Variants in VPS28 observed in about 807,000 individuals in gnomAD.
VPS28 encodes the protein VPS28 subunit of ESCRT-I.
Under a neutral mutation model 33.7 loss-of-function variants are expected in VPS28, and 29 were observed. The ratio of observed to expected loss-of-function variants is 0.86; its 90% CI spans 0.64 to 1.17. The LOEUF is 1.17. Among genes scored for constraint, VPS28 ranks in the 50% most tolerant of loss-of-function variants. VPS28 has a pLI of 0.00. For missense variants in VPS28, 247 were observed against 312.2 expected (o/e 0.79, Z 1.57); for synonymous variants, 164 against 116.7 (o/e 1.40, Z -2.61).
chr8:144,428,138 C>T (rs910406458), intron 1 of VPS28, among the ~76,000 whole-genome samples: 3 of 152,170 alleles, frequency 2.0e-5, no homozygotes, highest in Admixed American at 2.0e-4. Context: ...GGGTCAAGCT[C>T]TCCGAGGGTC....
intron 2 of VPS28, chr8:144,426,650 T>A (rs1822770928): frequency 3.9e-6 from 2 of 507,762 alleles, no homozygotes; most frequent in African/African-American, 3.9e-5. Flanking sequence ...CTGGGATTGG[T>A]GACACAGGGT....
Position 144,424,748 on chromosome 8 carries a change from G to A in VPS28, c.372C>T (p.Asn124=), listed in dbSNP as rs1475340002. The A allele has an allele frequency of 3.1e-6, 5 of 1,613,492 alleles. No homozygotes were observed. Among genetic ancestry groups the A allele is most frequent in the South Asian group, 1.1e-5 (1 of 91,084 alleles). The change falls in exon 7 of 10, where the codon AAC becomes AAT. Residue 124 remains asparagine, a synonymous_variant. Transcript: ENST00000292510. The part of the protein sequence containing the change: ...RPITIKDDKG[N]LNRCIADVVS... ...CCACGTCTGCGATGCAGCGGTTGAG[G>A]TTGCCCTTGTCGTCCTTGATGGTGA...
Position 144,423,737 on chromosome 8 carries a change from G to A in VPS28, c.*68C>T, listed in dbSNP as rs1554875751. ...TTGTGTGGATGACCACGGCCTGTGT[G>A]GCGGACAGGGGACCAGGAGCCATCG... is the stretch of plus-strand genomic sequence containing the variant. On this transcript the variant is annotated 3_prime_UTR_variant, in exon 10 of 10. Coordinates refer to ENST00000292510, the MANE Select transcript of VPS28 (RefSeq NM_016208.4). 3.1e-6 allele frequency: 5 copies of A among 1,590,482 alleles called. No homozygotes were observed. Among genetic ancestry groups the A allele is most frequent in the Non-Finnish European group, 4.3e-6 (5 of 1,163,268 alleles).
chr8:144,424,628 G>C, intron 7 of VPS28, 90 bp downstream of exon 7: 1 of 1,378,374 alleles, frequency 7.3e-7, no homozygotes, highest in Non-Finnish European at 1.0e-6. Context: ...GTGCTGCTCA[G>C]CTCTGGAGGC....
chr8:144,424,009 C>T (rs782137386), intron 9 of VPS28, 32 bp downstream of exon 9: 14 of 1,602,184 alleles, frequency 8.7e-6, no homozygotes, highest in South Asian at 5.5e-5. Context: ...TCGGGCACTG[C>T]GGGGCTCTGC....
rs1822683824 is a variant in VPS28 at position 144,425,709 on chromosome 8, G to A, written c.168C>T (p.Tyr56=). 2.5e-6 allele frequency: 4 copies of A among 1,613,782 alleles called. No homozygotes were observed. Among genetic ancestry groups the A allele is most frequent in the Non-Finnish European group, 3.4e-6 (4 of 1,179,928 alleles). ...CGCTGGGGGAGACACAGTCCTTGAT[G>A]TAGGCCTTCTCCAGGGCTTGCATTG... ...VKTMQALEKA[Y]IKDCVSPSEY... is the part of the protein sequence containing the mutation. The change falls in exon 5 of 10, where the codon TAC becomes TAT. Residue 56 remains tyrosine (Y), a synonymous_variant. Transcript: ENST00000292510.
At chr8:144,425,934 C>T in intron 4 of VPS28, 92 bp downstream of exon 4, 2 of 1,475,046 alleles carry the variant, frequency 1.4e-6, no homozygotes, top group Non-Finnish European at 1.8e-6. Flanking sequence ...TGCGTCCTCC[C>T]ACCCCTCAGT....
At chr8:144,427,938 G>A (rs1564722049) in intron 1 of VPS28, among the ~76,000 whole-genome samples, 2 of 152,224 alleles carry the variant, frequency 1.3e-5, no homozygotes, top group South Asian at 4.1e-4. Flanking sequence ...CTGGCGGGCA[G>A]GCGCAGGAAG....
At chr8:144,425,335 C>T (rs1251659149) in intron 5 of VPS28, 1 of 571,730 alleles carries the variant, frequency 1.7e-6, no homozygotes, top group African/African-American at 1.9e-5. Flanking sequence ...ATCCACAGCT[C>T]ATGGTCCTGT....
At chr8:144,424,298 G>T in intron 7 of VPS28, 30 bp from the exon 8 acceptor site, 3 of 1,559,426 alleles carry the variant, frequency 1.9e-6, no homozygotes, top group Non-Finnish European at 2.6e-6. Flanking sequence ...TGAGGCTCGC[G>T]TGTCCACGGG....
chr8:144,424,683 T>G, intron 7 of VPS28, 35 bp downstream of exon 7: 1 of 1,603,840 alleles, frequency 6.2e-7, no homozygotes, highest in Non-Finnish European at 8.5e-7. Flanking sequence ...CAGCCTCGGC[T>G]CTCCTAACCA....
At chr8:144,426,817 A>G in intron 2 of VPS28, 92 bp downstream of exon 2, 2 of 1,452,510 alleles carry the variant, frequency 1.4e-6, no homozygotes, top group East Asian at 2.4e-5. Flanking sequence ...GCAGGGTCAG[A>G]TACCTCCCCA....
rs372799029 is a variant in VPS28, at chr8:144,424,166, C to T, written c.457-34G>A. 242 of 1,555,784 alleles carry T rather than the reference C, an allele frequency of 1.6e-4. 2 individuals are homozygous for T. Among genetic ancestry groups the T allele is most frequent in the South Asian group, 1.5e-3 (121 of 82,618 alleles). On this transcript the variant is annotated intron_variant, in intron 8 of 9. Coordinates refer to ENST00000292510, the MANE Select transcript of VPS28 (RefSeq NM_016208.4). ...CACACAGCGGCTGGGACCCCGACGC[C>T]GGCTCCATCCCCTCCTGCCTAGGCC...
At chr8:144,425,099 G>A (rs782409684) in intron 5 of VPS28, 48 bp from the exon 6 acceptor site, 34 of 1,504,014 alleles carry the variant, frequency 2.3e-5, no homozygotes, top group Non-Finnish European at 3.1e-5. Context: ...GCCCCACCCA[G>A]CTCATCCTAC....
Position 144,426,222 on chromosome 8 carries a change from C to A in VPS28, c.38-14G>T. The A allele has an allele frequency of 6.3e-7, 1 of 1,596,726 alleles. No individual in the cohort carries two copies. Among genetic ancestry groups the A allele is most frequent in the Non-Finnish European group, 8.5e-7 (1 of 1,171,854 alleles). ...TGTTCCCAGGGGCTGCAAGAGAAGG[C>A]AGAGAGCTGGCAGGCTGGCCCCAAA... On this transcript the variant is annotated splice_polypyrimidine_tract_variant and intron_variant, in intron 2 of 9. Coordinates refer to ENST00000292510, the MANE Select transcript of VPS28 (RefSeq NM_016208.4).
chr8:144,426,789 C>G (rs1034678294), intron 2 of VPS28, 120 bp downstream of exon 2: 4 of 1,167,850 alleles, frequency 3.4e-6, no homozygotes, highest in Non-Finnish European at 4.9e-6. Context: ...CCCTGGCCAC[C>G]CCCAAGGCTG....
At chr8:144,426,091 C>T (rs782794683) in intron 3 of VPS28, 28 bp from the exon 4 acceptor site, 47 of 1,556,964 alleles carry the variant, frequency 3.0e-5, no homozygotes, top group Non-Finnish European at 3.9e-5. Flanking sequence ...CTCTGTGGGC[C>T]AGTGCCAACA....
At chr8:144,424,418 G>C in intron 7 of VPS28, 150 bp from the exon 8 acceptor site, 1 of 1,087,068 alleles carries the variant, frequency 9.2e-7, no homozygotes, top group Non-Finnish European at 1.3e-6. Context: ...CTGGGTGAAC[G>C]AGGTCCTGGC....
rs1822518846 is a variant in VPS28, at chr8:144,423,683, ACAC to A, written c.*119_*121del. 7.7e-6 allele frequency: 10 copies of A among 1,299,860 alleles called. No homozygotes were observed. The highest frequency in any genetic ancestry group is 2.0e-5 in the Admixed American group (1 of 49,606). 80.5% of individuals were successfully genotyped at this position (1,299,860 alleles called of 1,614,324 possible). On this transcript the variant is annotated 3_prime_UTR_variant, in exon 10 of 10. Transcript: ENST00000292510. ...CCCAAAGTTCTGACACCAAAGACAG[ACAC>A]CAGACAGGCAGCTGCAGACAGTGAG...
Sources: allele counts gnomAD v4.1 joint callset (sites outside exome capture counted in the v4.1 genomes callset), GRCh38; gene constraint gnomAD v4.1.1; transcripts MANE v1.5; gene names NCBI Gene and HGNC (gene_info 2026-07-23, HGNC 2026-07-21).